The following ATP11B variants were observed in gnomAD, a reference collection of about 807,000 sequenced individuals.
ATP11B encodes phospholipid-transporting ATPase IF.
A neutral mutation model predicts 157.8 loss-of-function variants in ATP11B; 81 were observed. The ratio of observed to expected loss-of-function variants is 0.51; its 90% CI spans 0.43 to 0.62. The LOEUF (loss-of-function observed/expected upper bound fraction) is 0.62. Ranked by LOEUF, ATP11B falls within the 20% of genes least tolerant of loss-of-function variation. The pLI is 0.00. For synonymous variants in ATP11B, 451 were observed against 469.4 expected, an observed-to-expected ratio of 0.96 and a Z score of 0.51; for missense variants, 1,165 against 1,402.2, an observed-to-expected ratio of 0.83 and a Z score of 2.70.
intron 1 of ATP11B, among the ~76,000 whole-genome samples, chr3:182,810,469 G>A (rs1296177095): frequency 6.6e-6 from 1 of 151,402 alleles, no homozygotes; most frequent in South Asian, 2.1e-4. Context: ...TTTACCCTGC[G>A]TAGACATGCT....
chr3:182,814,049 T>C (rs1046829690), intron 1 of ATP11B, among the ~76,000 whole-genome samples: 1 of 151,956 alleles, frequency 6.6e-6, no homozygotes, highest in African/African-American at 2.4e-5. Context: ...AGTGATATTT[T>C]ATATTTATTT....
chr3:182,828,104 ATC>A lies in ATP11B; in HGVS notation c.145-12_145-11del. On this transcript the variant is annotated splice_polypyrimidine_tract_variant and intron_variant, in intron 2 of 29. Coordinates refer to ENST00000323116, the MANE Select transcript of ATP11B (RefSeq NM_014616.3). ...ATTATTTTTAAATATTAATTTATTG[ATC>A]TCTTTCTTTTTAGTACACTGTGTGG... 8.5e-7 allele frequency: 1 copy of A among 1,175,036 alleles called. No homozygotes were observed. The highest frequency in any genetic ancestry group is 1.2e-6 in the Non-Finnish European group (1 of 842,028). 72.8% of individuals were successfully genotyped at this position (1,175,036 alleles called of 1,614,324 possible).
intron 23 of ATP11B, among the ~76,000 whole-genome samples, chr3:182,886,394 G>T (rs1362953330): frequency 6.6e-6 from 1 of 152,118 alleles, no homozygotes; most frequent in Non-Finnish European, 1.5e-5. Flanking sequence ...TTTGGAAGGA[G>T]CAGTAGTGAT....
chr3:182,822,309 A>C lies in ATP11B; in HGVS notation c.144+1933A>C, dbSNP rs1283039272. On this transcript the variant is annotated intron_variant, in intron 2 of 29. Coordinates refer to ENST00000323116, the MANE Select transcript of ATP11B (RefSeq NM_014616.3). ...GAGGCCCCAGTGTGTGATATTCCCC[A>C]TCTTGTGTCCAAGTGTTCTCATTGT... 2.6e-5 allele frequency among the ~76,000 whole-genome samples: 4 copies of C among 151,754 alleles called. 1 individual carries two copies. The highest frequency in any genetic ancestry group is 9.7e-5 in the African/African-American group (4 of 41,318).
At chr3:182,868,459 A>T (rs1721408521) in intron 15 of ATP11B, among the ~76,000 whole-genome samples, 1 of 151,646 alleles carries the variant, frequency 6.6e-6, no homozygotes, top group South Asian at 2.1e-4. Flanking sequence ...TAAAGATTTC[A>T]TATGTAAATC....
Position 182,793,516 on chromosome 3 carries a change from GGCTGCGGCGCGGCGGCAGGCTCA to G in ATP11B, c.-237_-215del, listed in dbSNP as rs1715374137. The G allele has an allele frequency of 2.9e-6, 1 of 347,382 alleles. No homozygotes were observed. The highest frequency in any genetic ancestry group is 7.6e-4 in the Middle Eastern group (1 of 1,310). The allele number at this position is 347,382 out of a possible 1,614,324, so 21.5% of individuals were successfully genotyped here. On this transcript the variant is annotated 5_prime_UTR_variant, in exon 1 of 30. An upstream open reading frame in the 5' UTR loses its in-frame stop. Coordinates refer to ENST00000323116, the MANE Select transcript of ATP11B (RefSeq NM_014616.3). The stretch of plus-strand genomic sequence containing the variant: ...GGTGACAACGGTCAATAATGAAGGT[GGCTGCGGCGCGGCGGCAGGCTCA>G]GCTGCGCCGGGCGGGGGCGGCGCCG...
At chr3:182,835,778 G>A (rs1281173225) in intron 4 of ATP11B, among the ~76,000 whole-genome samples, 1 of 152,102 alleles carries the variant, frequency 6.6e-6, no homozygotes, top group Non-Finnish European at 1.5e-5. Context: ...AGGTGACATC[G>A]AAGGAGCCTC....
chr3:182,837,025 C>T (rs962707769), intron 6 of ATP11B, 46 bp from the exon 7 acceptor site: 19 of 1,399,222 alleles, frequency 1.4e-5, no homozygotes, highest in Admixed American at 8.7e-5. Context: ...TATTGAAGGT[C>T]GCAATTTGGA....
chr3:182,868,993 T>C (rs939188649), intron 15 of ATP11B, 85 bp from the exon 16 acceptor site: 9 of 814,962 alleles, frequency 1.1e-5, no homozygotes, highest in Non-Finnish European at 1.7e-5. Context: ...CCATTTTATC[T>C]TATATATGGA....
At chr3:182,890,586 A>G (rs1409624621) in intron 25 of ATP11B, among the ~76,000 whole-genome samples, 2 of 152,202 alleles carry the variant, frequency 1.3e-5, no homozygotes, top group Non-Finnish European at 2.9e-5. Flanking sequence ...CCTTTACCTT[A>G]TAGAGTAGGG....
In ATP11B at chr3:182,919,021, TAC is replaced by T. The variant is rs1205266631; in HGVS notation, c.*919_*920del. The T allele has an allele frequency of 1.3e-5, 2 of 152,190 alleles. No homozygotes were observed. The highest frequency in any genetic ancestry group is 2.9e-5 in the Non-Finnish European group (2 of 68,004). The allele number at this position is 152,190 out of a possible 1,614,324, so 9.4% of individuals were successfully genotyped here. A position where few individuals can be genotyped will look rare whatever the true frequency, so the allele number is the denominator to read the frequency against. ...TGTATAGTATTTCATGACATCGTTG[TAC>T]AGTTTAACTATATCAATAAAAAGTT... On this transcript the variant is annotated 3_prime_UTR_variant, in exon 30 of 30. Coordinates refer to ENST00000323116, the MANE Select transcript of ATP11B (RefSeq NM_014616.3).
intron 15 of ATP11B, 120 bp from the exon 16 acceptor site, chr3:182,868,958 G>A (rs1721443900): frequency 1.7e-6 from 1 of 597,710 alleles, no homozygotes; most frequent in Non-Finnish European, 2.9e-6. Context: ...TCATGAAAAT[G>A]GTATTAATTC....
chr3:182,898,555 A>AT lies in ATP11B; in HGVS notation c.3153-49dup. 3 of 1,497,200 alleles carry AT rather than the reference A, an allele frequency of 2.0e-6. No individual in the cohort carries two copies. The African/African-American group carries it at 4.2e-5, about 21-fold the overall frequency. The allele number at this position is 1,497,200 out of a possible 1,614,324, so 92.7% of individuals were successfully genotyped here. A position where few individuals can be genotyped will look rare whatever the true frequency, so the allele number is the denominator to read the frequency against. ...TGTAGTGTCTTTATATGATGTCCTG[A>AT]TTTAAGTCTTTCAGTTTCCACTTTT... On this transcript the variant is annotated intron_variant, in intron 27 of 29. Transcript: ENST00000323116.
intron 12 of ATP11B, 93 bp downstream of exon 12, chr3:182,859,452 C>A: frequency 8.8e-7 from 1 of 1,139,738 alleles, no homozygotes; most frequent in Non-Finnish European, 1.2e-6. Context: ...TATTATGATG[C>A]TTATACCAAA....
intron 12 of ATP11B, among the ~76,000 whole-genome samples, chr3:182,863,086 T>C (rs942120400): frequency 6.6e-6 from 1 of 151,834 alleles, no homozygotes; most frequent in African/African-American, 2.4e-5. Flanking sequence ...CTGGCTAATT[T>C]TTTGTATTTT....
chr3:182,800,946 C>T (rs781259809), intron 1 of ATP11B, among the ~76,000 whole-genome samples: 3 of 146,540 alleles, frequency 2.0e-5, no homozygotes, highest in Non-Finnish European at 3.0e-5. Context: ...ATTACAGGCA[C>T]GTCCCACCAT....
At chr3:182,797,580 C>T (rs998112331) in intron 1 of ATP11B, among the ~76,000 whole-genome samples, 4 of 152,020 alleles carry the variant, frequency 2.6e-5, no homozygotes, top group African/African-American at 9.7e-5. Context: ...TGGTGATGGG[C>T]ACCTGTAATC....
At chr3:182,897,599 T>C (rs1169180391) in intron 27 of ATP11B, among the ~76,000 whole-genome samples, 193 bp downstream of exon 27, 7 of 152,054 alleles carry the variant, frequency 4.6e-5, no homozygotes, top group Non-Finnish European at 1.0e-4. Flanking sequence ...TTTCTAGATT[T>C]TTTTTATATA....
intron 19 of ATP11B, among the ~76,000 whole-genome samples, chr3:182,876,001 C>T (rs1053935265): frequency 6.6e-6 from 1 of 152,024 alleles, no homozygotes; most frequent in Non-Finnish European, 1.5e-5. Flanking sequence ...AATCCCAACA[C>T]CCTGGGAGGC....
Sources: gnomAD v4.1 joint callset for allele counts (sites outside exome capture counted in the v4.1 genomes callset) on GRCh38, gnomAD v4.1.1 for gene constraint, MANE v1.5 for transcripts, NCBI Gene and HGNC (gene_info 2026-07-23, HGNC 2026-07-21) for gene names.